MMP16: variants seen among roughly 807,000 people sequenced by gnomAD.
MMP16 encodes matrix metallopeptidase 16, also known as matrix metalloproteinase-16.
MMP16 carries 12 observed loss-of-function variants against 67.8 expected under a neutral mutation model. That is an observed-to-expected ratio of 0.18 (90% confidence interval 0.11 to 0.29). The LOEUF is 0.29. MMP16 is among the 10% of genes least tolerant of loss of function. MMP16 has a pLI of 1.00. For missense variants in MMP16, 475 were observed against 765.7 expected, an observed-to-expected ratio of 0.62 and a Z score of 4.48; for synonymous variants, 249 against 255.9, an observed-to-expected ratio of 0.97 and a Z score of 0.26.
rs1166566212 is a variant in MMP16, at chr8:88,166,688, CATATATATATATATATAT to C, written c.709+963_709+980del. On this transcript the variant is annotated intron_variant, in intron 4 of 9. Coordinates refer to ENST00000286614, the MANE Select transcript of MMP16 (RefSeq NM_005941.5). The stretch of plus-strand genomic sequence containing the variant: ...ACAAAAGAGAAGGAGCAAAAAATTA[CATATATATATATATATAT>C]ATATATATATATATATATATATATT... Among the ~76,000 whole-genome samples, 121 of 58,384 alleles carry C rather than the reference CATATATATATATATATAT, an allele frequency of 2.1e-3. 4 individuals carry two copies. Among genetic ancestry groups the C allele is most frequent in the African/African-American group, 4.8e-3 (87 of 18,302 alleles). 38.3% of individuals were successfully genotyped at this position (58,384 alleles called of 152,430 possible).
chr8:88,225,184 A>G (rs759945595), intron 1 of MMP16, among the ~76,000 whole-genome samples: 3 of 152,062 alleles, frequency 2.0e-5, no homozygotes, highest in Non-Finnish European at 1.5e-5. Context: ...TAGCTGTGAG[A>G]TATTTTATGT....
At position 88,258,345 on chromosome 8, in the gene MMP16, A is replaced by G. The variant is rs577692541; in HGVS notation, c.133-61039T>C. The stretch of plus-strand genomic sequence containing the variant: ...TATACTTAAGATCAGTGGCTAAAAT[A>G]GGCTTTCAATTTCCAAAACTATGAA... On this transcript the variant is annotated intron_variant, in intron 1 of 9. Transcript: ENST00000286614. Among the ~76,000 whole-genome samples the G allele has an allele frequency of 1.3e-4, 20 of 152,284 alleles. No homozygotes were observed. In the South Asian group the frequency reaches 3.9e-3, roughly 30 times the overall value.
At chr8:88,077,472 C>T (rs1808670319) in intron 6 of MMP16, among the ~76,000 whole-genome samples, 1 of 152,282 alleles carries the variant, frequency 6.6e-6, no homozygotes, top group East Asian at 1.9e-4. Context: ...CCTCCCTTTC[C>T]TGTTGTATTT....
At chr8:88,244,171 T>C (rs1045373402) in intron 1 of MMP16, among the ~76,000 whole-genome samples, 3 of 152,180 alleles carry the variant, frequency 2.0e-5, no homozygotes, top group African/African-American at 4.8e-5. Flanking sequence ...CACTGCAGTG[T>C]ATCAAATTAC....
chr8:88,136,964 T>C (rs530844130), intron 4 of MMP16, among the ~76,000 whole-genome samples: 18 of 152,012 alleles, frequency 1.2e-4, no homozygotes, highest in African/African-American at 3.4e-4. Context: ...TATGTTTGTG[T>C]ATGTGTTATA....
At position 88,036,578 on chromosome 8, in the gene MMP16, C is replaced by G. The variant is rs965470989; in HGVS notation, c.*4883G>C. ...CTCCTAGGCAACGTGGAGCCTGTAA[C>G]TTAACTGCATATGCTCTGGCACCTA... is the stretch of plus-strand genomic sequence containing the variant. On this transcript the variant is annotated 3_prime_UTR_variant, in exon 10 of 10. Coordinates refer to ENST00000286614, the MANE Select transcript of MMP16 (RefSeq NM_005941.5). The G allele has an allele frequency of 6.6e-6, 1 of 151,788 alleles. No individual in the cohort carries two copies. The highest frequency in any genetic ancestry group is 2.4e-5 in the African/African-American group (1 of 41,396). 9.4% of individuals were successfully genotyped at this position (151,788 alleles called of 1,614,324 possible).
At chr8:88,227,271 G>A (rs1338682115) in intron 1 of MMP16, among the ~76,000 whole-genome samples, 2 of 151,988 alleles carry the variant, frequency 1.3e-5, no homozygotes, top group East Asian at 3.9e-4. Flanking sequence ...AGATTTAAAG[G>A]ATCAAATATA....
chr8:88,124,293 G>A (rs192155612), intron 4 of MMP16, among the ~76,000 whole-genome samples: 70 of 151,958 alleles, frequency 4.6e-4, no homozygotes, highest in African/African-American at 1.6e-3. Flanking sequence ...ATAGTCATAC[G>A]TGCCAAGTAG....
chr8:88,327,459 C>T lies in MMP16; in HGVS notation c.-253G>A, dbSNP rs965114017. The T allele has an allele frequency of 4.2e-6, 2 of 471,902 alleles. No homozygotes were observed. The highest frequency in any genetic ancestry group is 4.2e-5 in the East Asian group (1 of 23,968). 29.2% of individuals were successfully genotyped at this position (471,902 alleles called of 1,614,324 possible). On this transcript the variant is annotated 5_prime_UTR_variant, in exon 1 of 10. Coordinates refer to ENST00000286614, the MANE Select transcript of MMP16 (RefSeq NM_005941.5). ...GGGTCAGTCACCGGGAACGTGGCGCCTAAGTTCACCGGCGGTTCCGGCTCA... is the reference window on the plus strand; with the variant it reads ...GGGTCAGTCACCGGGAACGTGGCGCTTAAGTTCACCGGCGGTTCCGGCTCA...
intron 1 of MMP16, among the ~76,000 whole-genome samples, chr8:88,223,952 T>C (rs1269613817): frequency 6.6e-6 from 1 of 151,926 alleles, no homozygotes; most frequent in Non-Finnish European, 1.5e-5. Context: ...GAATGACCTC[T>C]AGGAATGTGA....
intron 1 of MMP16, among the ~76,000 whole-genome samples, chr8:88,276,878 A>C (rs1361277669): frequency 6.6e-6 from 1 of 152,128 alleles, no homozygotes; most frequent in Non-Finnish European, 1.5e-5. Flanking sequence ...TTTTTAAAAA[A>C]GGAAATTATA....
chr8:88,271,791 T>C (rs1810567449), intron 1 of MMP16, among the ~76,000 whole-genome samples: 1 of 152,198 alleles, frequency 6.6e-6, no homozygotes, highest in South Asian at 2.1e-4. Context: ...TTGGCTTAAA[T>C]GTGAAGTGCC....
At chr8:88,139,635 A>G (rs1808178901) in intron 4 of MMP16, among the ~76,000 whole-genome samples, 1 of 152,168 alleles carries the variant, frequency 6.6e-6, no homozygotes, top group African/African-American at 2.4e-5. Flanking sequence ...TGATATGAGC[A>G]GAAGAATCAA....
At chr8:88,249,446 T>G (rs1810171676) in intron 1 of MMP16, among the ~76,000 whole-genome samples, 1 of 152,122 alleles carries the variant, frequency 6.6e-6, no homozygotes, top group South Asian at 2.1e-4. Context: ...ATCTTTCTGA[T>G]ATTACAATTA....
intron 7 of MMP16, among the ~76,000 whole-genome samples, chr8:88,060,739 A>G (rs1808387804): frequency 6.6e-6 from 1 of 152,058 alleles, no homozygotes; most frequent in African/African-American, 2.4e-5. Context: ...GGTGTGAATA[A>G]CTTGAGGAAA....
At chr8:88,108,539 A>G (rs575013966) in intron 6 of MMP16, among the ~76,000 whole-genome samples, 18 of 151,350 alleles carry the variant, frequency 1.2e-4, no homozygotes, top group Non-Finnish European at 2.4e-4. Context: ...GAATATCTGG[A>G]GGTGCAGCAT....
In MMP16 at chr8:88,185,978, A is replaced by G. The variant is rs184322662; in HGVS notation, c.404+498T>C. Among the ~76,000 whole-genome samples the G allele has an allele frequency of 6.6e-5, 10 of 152,336 alleles. No individual in the cohort carries two copies. In the East Asian group the frequency reaches 1.7e-3, roughly 26 times the overall value. On this transcript the variant is annotated intron_variant, in intron 3 of 9. Coordinates refer to ENST00000286614, the MANE Select transcript of MMP16 (RefSeq NM_005941.5). ...TTCAATTACAAAATAAATAAATGTG[A>G]AAATCCATTAATAACAATTGTCACT...
chr8:88,195,840 T>C (rs1370107757), intron 2 of MMP16, among the ~76,000 whole-genome samples: 1 of 152,194 alleles, frequency 6.6e-6, no homozygotes, highest in Non-Finnish European at 1.5e-5. Context: ...TGTATTTATG[T>C]TTCCAAACTG....
intron 1 of MMP16, among the ~76,000 whole-genome samples, chr8:88,271,615 T>C (rs1810564951): frequency 6.6e-6 from 1 of 152,190 alleles, no homozygotes. Context: ...TGCCGCAGCC[T>C]CCTGAGTAGC....
Sources: gnomAD v4.1 joint callset for allele counts (sites outside exome capture counted in the v4.1 genomes callset) on GRCh38, gnomAD v4.1.1 for gene constraint, MANE v1.5 for transcripts, NCBI Gene and HGNC (gene_info 2026-07-23, HGNC 2026-07-21) for gene names.